Variants in SH3BP1 observed in about 807,000 individuals in gnomAD.
SH3BP1 encodes the protein SH3 domain binding protein 1.
In SH3BP1, 46 loss-of-function variants were observed where a neutral mutation model predicts 69.8. The observed-to-expected ratio is 0.66, with a 90% CI of 0.52 to 0.84. SH3BP1 has a LOEUF of 0.84. SH3BP1 is among the 40% of genes least tolerant of loss of function. The pLI, the probability that SH3BP1 is intolerant of heterozygous loss-of-function variation, is 0.00. For missense variants in SH3BP1, 868 were observed against 930.9 expected, an observed-to-expected ratio of 0.93 and a Z score of 0.88; for synonymous variants, 403 against 378.0, an observed-to-expected ratio of 1.07 and a Z score of -0.77.
At chr22:37,640,700 C>A (rs1388323458) in intron 1 of SH3BP1, 7 of 215,362 alleles carry the variant, frequency 3.3e-5, no homozygotes, top group South Asian at 1.8e-4. Context: ...CAGCTGTAGT[C>A]CAGAGTGCTG....
intron 6 of SH3BP1, 120 bp downstream of exon 6, chr22:37,643,294 G>A: frequency 2.2e-6 from 2 of 890,832 alleles, no homozygotes; most frequent in East Asian, 2.6e-5. Flanking sequence ...TACAGTGTGT[G>A]TACTTGTGCA....
At chr22:37,642,641 C>T in intron 4 of SH3BP1, 26 bp downstream of exon 4, 3 of 1,613,062 alleles carry the variant, frequency 1.9e-6, no homozygotes, top group Non-Finnish European at 2.5e-6. Context: ...GCCCAGCCCT[C>T]ACCTGGGGAT....
At chr22:37,639,930 G>GGTT in intron 1 of SH3BP1, 84 bp downstream of exon 1, 1 of 1,032,522 alleles carries the variant, frequency 9.7e-7, no homozygotes, top group African/African-American at 1.7e-5. Context: ...CGGGGGTGGG[G>GGTT]GAGGCTGGGG....
chr22:37,650,314 T>A (rs1286842202), intron 15 of SH3BP1, 65 bp downstream of exon 15: 1 of 1,538,092 alleles, frequency 6.5e-7, no homozygotes, highest in Non-Finnish European at 8.8e-7. Flanking sequence ...CCCTCCCCTG[T>A]AGCCCCACAA....
rs147904245 is a variant in SH3BP1, at chr22:37,643,866, G to A, written c.618+78G>A. 2.9e-5 allele frequency: 45 copies of A among 1,562,074 alleles called. No individual in the cohort carries two copies. In the South Asian group the frequency reaches 4.7e-4, roughly 16 times the overall value. On this transcript the variant is annotated intron_variant, in intron 7 of 17. Coordinates refer to ENST00000649765, the MANE Select transcript of SH3BP1 (RefSeq NM_018957.6). ...GGCCCATCTCACAGGCAAGGAAGCT[G>A]AAGTTCAGAGAGGTGACATGACTTG...
At position 37,655,443 on chromosome 22, in the gene SH3BP1, C is replaced by A. The variant is rs1464654058; in HGVS notation, c.1865C>A (p.Pro622Gln). ...SSLRAPTVPP[P>Q]LPPTPPQPAR... ...CTCCGAGCCCCCACAGTGCCACCCC[C>A]GTTACCCCCCACACCCCCTCAGCCT... The change falls in exon 18 of 18, where the codon CCG becomes CAG. Residue 622 changes from proline (P) to glutamine (Q), a missense_variant. This residue lies in a region of SH3BP1 where 474 missense variants were observed against 462.3 expected (regional missense o/e 1.03). Transcript: ENST00000649765. The A allele has an allele frequency of 1.5e-6, 2 of 1,312,222 alleles. No individual in the cohort carries two copies. Among genetic ancestry groups the A allele is most frequent in the African/African-American group, 1.5e-5 (1 of 65,354 alleles). The allele number at this position is 1,312,222 out of a possible 1,614,324, so 81.3% of individuals were successfully genotyped here.
rs1052751253 is a variant in SH3BP1 at position 37,641,485 on chromosome 22, G to T, written c.207+7G>T. The T allele has an allele frequency of 2.1e-5, 33 of 1,545,660 alleles. No homozygotes were observed. Among genetic ancestry groups the T allele is most frequent in the East Asian group, 4.9e-5 (2 of 40,926 alleles). ...AGACATGGACAAGCGGGTGGTGAGT[G>T]GGGGGTCCCGGGAAGGAGGGGCCTG... On this transcript the variant is annotated splice_region_variant and intron_variant, in intron 3 of 17. Transcript: ENST00000649765.
Position 37,650,237 on chromosome 22 carries a change from C to T in SH3BP1, c.1402C>T (p.Leu468Phe). The change falls in exon 15 of 18, where the codon CTC (leucine) becomes TTC (phenylalanine). Residue 468 changes from leucine (L) to phenylalanine (F), a missense_variant. By Grantham distance (22) the Leu-to-Phe change is conservative. Around this residue, in one of 3 missense-constraint regions of SH3BP1, gnomAD observed 474 missense variants for 462.3 expected, o/e 1.03. Coordinates refer to ENST00000649765, the MANE Select transcript of SH3BP1 (RefSeq NM_018957.6). ...GGCGCTGATCCAGAGCGCAGACACC[C>T]TCTTCCCTGGAGGTGAAGCTCCTGC... ...VEALIQSADT[L>F]FPGDINFNVS... The T allele has an allele frequency of 6.2e-7, 1 of 1,609,586 alleles. No homozygotes were observed. Among genetic ancestry groups the T allele is most frequent in the Non-Finnish European group, 8.5e-7 (1 of 1,177,890 alleles).
intron 1 of SH3BP1, 116 bp from the exon 2 acceptor site, chr22:37,641,010 A>C: frequency 1.4e-6 from 1 of 739,398 alleles, no homozygotes; most frequent in Non-Finnish European, 2.4e-6. Flanking sequence ...GCTGGGAGGG[A>C]CAGTGGAAGC....
At chr22:37,650,504 C>T (rs200543740) in intron 15 of SH3BP1, 38 bp from the exon 16 acceptor site, 88 of 1,578,600 alleles carry the variant, frequency 5.6e-5, no homozygotes, top group African/African-American at 3.1e-4. Flanking sequence ...GAGCCTGGCG[C>T]GGTCTCTGAG....
intron 14 of SH3BP1, 21 bp from the exon 15 acceptor site, chr22:37,650,131 A>G: frequency 6.2e-7 from 1 of 1,613,492 alleles, no homozygotes; most frequent in Non-Finnish European, 8.5e-7. Context: ...TTTGCTGAGC[A>G]GATGCATCTC....
intron 7 of SH3BP1, 141 bp downstream of exon 7, chr22:37,643,929 C>T (rs551294408): frequency 2.2e-6 from 2 of 892,018 alleles, no homozygotes; most frequent in South Asian, 1.6e-5. Context: ...AGAGCTCCGC[C>T]ATTCCCTCGT....
chr22:37,646,775 G>T, intron 10 of SH3BP1, 43 bp from the exon 11 acceptor site: 1 of 1,305,294 alleles, frequency 7.7e-7, no homozygotes, highest in Non-Finnish European at 1.0e-6. Flanking sequence ...GTCCTGCCCT[G>T]CCCACCCCTC....
intron 1 of SH3BP1, 28 bp from the exon 2 acceptor site, chr22:37,641,098 T>TCCCCCCCCCCCCCC (rs751968178): frequency 1.1e-6 from 1 of 911,376 alleles, no homozygotes. Flanking sequence ...AGAAGCACTC[T>TCCCCCCCCCCCCCC]CCCCCCCCCC....
intron 1 of SH3BP1, 92 bp downstream of exon 1, chr22:37,639,938 G>A (rs1030815468): frequency 3.2e-6 from 3 of 923,088 alleles, no homozygotes; most frequent in Non-Finnish European, 4.8e-6. Context: ...GGGGAGGCTG[G>A]GGACAGCTGG....
At chr22:37,652,918 T>A (rs1208689135) in intron 16 of SH3BP1, among the ~76,000 whole-genome samples, 4 of 140,004 alleles carry the variant, frequency 2.9e-5, no homozygotes, top group African/African-American at 1.1e-4. Flanking sequence ...GGTGGATCAC[T>A]TGAAGTCAGG....
rs1310934181 is a variant in SH3BP1 at position 37,655,678 on chromosome 22, CAACT to C, written c.2101_2104del (p.Asn701GlufsTer7). ...GCCCCAGGAGCCTTGCCTCAGAGAC[CAACT>C]GAGTGGCTGGTTTCTCCCTAAGCAG... On this transcript the variant is annotated frameshift_variant and stop_lost, in exon 18 of 18. Transcript: ENST00000649765. LOFTEE classifies it high-confidence loss of function. 28 of 1,504,552 alleles carry C rather than the reference CAACT, an allele frequency of 1.9e-5. No individual in the cohort carries two copies. The highest frequency in any genetic ancestry group is 7.2e-5 in the East Asian group (3 of 41,512). The allele number at this position is 1,504,552 out of a possible 1,614,324, so 93.2% of individuals were successfully genotyped here.
Position 37,639,674 on chromosome 22 carries a change from C to A in SH3BP1, c.-114C>A, listed in dbSNP as rs1932505774. ...CGCGCGGCGGCCCAGGAAGCGAGAG[C>A]GCCGCCCACCCATCCGGGGCAAGAG... On this transcript the variant is annotated 5_prime_UTR_variant, in exon 1 of 18. Coordinates refer to ENST00000649765, the MANE Select transcript of SH3BP1 (RefSeq NM_018957.6). 6 of 593,938 alleles carry A rather than the reference C, an allele frequency of 1.0e-5. No homozygotes were observed. Among genetic ancestry groups the A allele is most frequent in the Non-Finnish European group, 1.6e-5 (6 of 373,146 alleles). The allele number at this position is 593,938 out of a possible 1,614,324, so 36.8% of individuals were successfully genotyped here. A position where few individuals can be genotyped will look rare whatever the true frequency, so the allele number is the denominator to read the frequency against.
chr22:37,647,691 T>C (rs1217826109), intron 13 of SH3BP1, among the ~76,000 whole-genome samples, 170 bp downstream of exon 13: 1 of 151,752 alleles, frequency 6.6e-6, no homozygotes, highest in Non-Finnish European at 1.5e-5. Flanking sequence ...TTTTTTTTTT[T>C]CTGAGACAGG....
Sources: allele counts gnomAD v4.1 joint callset (sites outside exome capture counted in the v4.1 genomes callset), GRCh38; gene constraint gnomAD v4.1.1; regional missense constraint gnomAD v4.1.1; transcripts MANE v1.5; gene names NCBI Gene and HGNC (gene_info 2026-07-23, HGNC 2026-07-21).